The following GPHN variants were observed in gnomAD, a reference collection of about 807,000 sequenced individuals.
GPHN encodes gephyrin.
GPHN carries 17 observed loss-of-function variants against 95.5 expected under a neutral mutation model. The observed-to-expected ratio is 0.18, with a 90% CI of 0.12 to 0.27. The LOEUF is 0.27. Among genes scored for constraint, GPHN ranks in the 10% least tolerant of loss-of-function variants. The pLI, the probability that GPHN is intolerant of heterozygous loss-of-function variation, is 1.00. For missense variants in GPHN, 660 were observed against 978.1 expected, an observed-to-expected ratio of 0.67 and a Z score of 4.34; for synonymous variants, 320 against 322.5, an observed-to-expected ratio of 0.99 and a Z score of 0.08.
At chr14:67,267,611 A>G in the GPHN span, among the ~76,000 whole-genome samples, 6 of 152,206 alleles carry the variant, frequency 3.9e-5, no homozygotes, top group Non-Finnish European at 8.8e-5. Flanking sequence ...ATTGAGGTAT[A>G]ATTTATATTT....
At chr14:67,665,458 G>A in the GPHN span, among the ~76,000 whole-genome samples, 6 of 151,650 alleles carry the variant, frequency 4.0e-5, no homozygotes, top group African/African-American at 1.5e-4. Flanking sequence ...TGGTAGAGAT[G>A]GGGCCTCACT....
the GPHN span, among the ~76,000 whole-genome samples, chr14:67,732,640 G>A: frequency 6.6e-6 from 1 of 151,860 alleles, no homozygotes; most frequent in Non-Finnish European, 1.5e-5. Flanking sequence ...TCAGTGGCGT[G>A]ATCTCCACTC....
the GPHN span, among the ~76,000 whole-genome samples, chr14:67,636,368 T>G: frequency 6.6e-6 from 1 of 152,252 alleles, no homozygotes; most frequent in Non-Finnish European, 1.5e-5. Flanking sequence ...GTTGGAGCTA[T>G]TCAGCCTTGC....
At chr14:66,742,342 T>C (rs1320231060) in intron 2 of GPHN, among the ~76,000 whole-genome samples, 2 of 152,220 alleles carry the variant, frequency 1.3e-5, no homozygotes, top group Non-Finnish European at 2.9e-5. Flanking sequence ...AATTAGATTT[T>C]TTATGTATAT....
chr14:66,842,527 C>G (rs2062141330), intron 4 of GPHN: 1 of 597,188 alleles, frequency 1.7e-6, no homozygotes, highest in Admixed American at 3.1e-5. Context: ...TAAACTTTTC[C>G]CATAACTCAG....
At chr14:66,629,031 C>T (rs1479489023) in intron 1 of GPHN, among the ~76,000 whole-genome samples, 1 of 146,962 alleles carries the variant, frequency 6.8e-6, no homozygotes, top group African/African-American at 2.5e-5. Context: ...CACCACTGCA[C>T]TCCATCCAGC....
At chr14:67,675,681 T>C in the GPHN span, among the ~76,000 whole-genome samples, 1 of 152,164 alleles carries the variant, frequency 6.6e-6, no homozygotes, top group Non-Finnish European at 1.5e-5. Context: ...ACATTTAATC[T>C]CTGCTCCAGG....
At chr14:66,601,531 A>G (rs193081273) in intron 1 of GPHN, among the ~76,000 whole-genome samples, 8 of 152,102 alleles carry the variant, frequency 5.3e-5, no homozygotes, top group Admixed American at 5.2e-4. Context: ...TACTCACTCT[A>G]TGACCATTTT....
chr14:67,445,524 G>A, the GPHN span, among the ~76,000 whole-genome samples: 1 of 147,892 alleles, frequency 6.8e-6, no homozygotes, highest in Non-Finnish European at 1.5e-5. Flanking sequence ...AACATGCAGA[G>A]AGAAATGATA....
chr14:66,722,124 T>C (rs1272200925), intron 2 of GPHN, among the ~76,000 whole-genome samples: 2 of 152,040 alleles, frequency 1.3e-5, no homozygotes, highest in Non-Finnish European at 2.9e-5. Flanking sequence ...AAATATTTTA[T>C]AAGCACATAT....
chr14:66,871,489 C>G lies in GPHN; in HGVS notation c.295-8450C>G, dbSNP rs150750039. Among the ~76,000 whole-genome samples, 62 of 152,308 alleles carry G rather than the reference C, an allele frequency of 4.1e-4. 3 individuals are homozygous for G. In the East Asian group the frequency reaches 9.8e-3, roughly 24 times the overall value. On this transcript the variant is annotated intron_variant, in intron 4 of 22. Transcript: ENST00000478722. ...ATCCCCTTGCTTGATGTTTAGGGCT[C>G]TGATTTTAACATCCTTGAGAAGGTG...
At chr14:67,633,498 C>G in the GPHN span, among the ~76,000 whole-genome samples, 89 of 152,348 alleles carry the variant, frequency 5.8e-4, no homozygotes, top group African/African-American at 2.0e-3. Flanking sequence ...TCAATGTCAA[C>G]ATATCCCAAA....
the GPHN span, chr14:67,320,412 A>G: frequency 2.6e-5 from 41 of 1,578,344 alleles, no homozygotes; most frequent in African/African-American, 5.0e-4. Flanking sequence ...GTTTGAATGC[A>G]TTCCCATTTT....
At chr14:67,392,426 G>A in the GPHN span, 6 of 1,609,462 alleles carry the variant, frequency 3.7e-6, no homozygotes, top group Admixed American at 3.3e-5. Flanking sequence ...GTAGCTCTCA[G>A]CCTAGGGGGA....
At chr14:67,300,965 T>G in the GPHN span, among the ~76,000 whole-genome samples, 369 of 152,264 alleles carry the variant, frequency 2.4e-3, 1 homozygote, top group Non-Finnish European at 4.2e-3. Flanking sequence ...GTGCTGGGAT[T>G]ACAGGTGTGA....
At chr14:67,386,579 A>G in the GPHN span, 2 of 152,188 alleles carry the variant, frequency 1.3e-5, no homozygotes, top group South Asian at 2.1e-4. Flanking sequence ...CTTGGTACCT[A>G]TTTGTCTCAG....
chr14:66,659,064 A>T (rs2065476855), intron 1 of GPHN, among the ~76,000 whole-genome samples: 1 of 151,754 alleles, frequency 6.6e-6, no homozygotes, highest in Non-Finnish European at 1.5e-5. Context: ...TTTCAAAAAA[A>T]TGCACTTATT....
intron 2 of GPHN, among the ~76,000 whole-genome samples, chr14:66,688,055 A>G (rs566389905): frequency 6.6e-6 from 1 of 152,376 alleles, no homozygotes; most frequent in African/African-American, 2.4e-5. Flanking sequence ...ATCCTTAACA[A>G]TGACATAAAC....
chr14:66,558,755 A>T (rs2060109937), intron 1 of GPHN, among the ~76,000 whole-genome samples: 1 of 151,898 alleles, frequency 6.6e-6, no homozygotes, highest in Non-Finnish European at 1.5e-5. Context: ...TTATTATTAT[A>T]CTTTAAGTTT....
Sources: gnomAD v4.1 joint callset for allele counts (sites outside exome capture counted in the v4.1 genomes callset) on GRCh38, gnomAD v4.1.1 for gene constraint, MANE v1.5 for transcripts, NCBI Gene and HGNC (gene_info 2026-07-23, HGNC 2026-07-21) for gene names.